Variants in PCBD2 observed in about 807,000 individuals in gnomAD.
PCBD2 encodes the protein pterin-4 alpha-carbinolamine dehydratase 2.
A neutral mutation model predicts 16.4 loss-of-function variants in PCBD2; 12 were observed. That is an observed-to-expected ratio of 0.73 (90% CI 0.47 to 1.19). The LOEUF (loss-of-function observed/expected upper bound fraction) is 1.19. PCBD2 is among the 50% of genes most tolerant of loss of function. The probability of loss-of-function intolerance (pLI) is 0.00; values close to 1 mark genes in which losing one functional copy is unlikely to be tolerated. For missense variants in PCBD2, 138 were observed against 156.8 expected (o/e 0.88, Z 0.64); for synonymous variants, 58 against 61.8 (o/e 0.94, Z 0.29).
intron 2 of PCBD2, among the ~76,000 whole-genome samples, chr5:134,915,431 C>T (rs1288242305): frequency 1.3e-5 from 2 of 149,326 alleles, no homozygotes; most frequent in Non-Finnish European, 3.0e-5. Flanking sequence ...CCTGATGGGC[C>T]TCTAATTTTT....
At chr5:134,939,578 A>G (rs1023854620) in intron 2 of PCBD2, among the ~76,000 whole-genome samples, 2 of 152,176 alleles carry the variant, frequency 1.3e-5, no homozygotes. Flanking sequence ...GACAACCTCC[A>G]TTCTTAAAAC....
chr5:134,939,516 G>T lies in PCBD2; in HGVS notation c.217-19524G>T, dbSNP rs574455055. Reference sequence around the variant, plus strand: ...AGAATGGTGCATAGTGCCCCTGTCTGTTCAAAAAAACCAGAGGCTCCTAAA... The same window carrying T: ...AGAATGGTGCATAGTGCCCCTGTCTTTTCAAAAAAACCAGAGGCTCCTAAA... On this transcript the variant is annotated intron_variant, in intron 2 of 3. Transcript: ENST00000254908. Among the ~76,000 whole-genome samples, 5 of 152,032 alleles carry T rather than the reference G, an allele frequency of 3.3e-5. No homozygotes were observed. In the East Asian group the frequency reaches 9.7e-4, roughly 29 times the overall value.
At chr5:134,946,010 T>C (rs1005136937) in intron 2 of PCBD2, among the ~76,000 whole-genome samples, 7 of 148,188 alleles carry the variant, frequency 4.7e-5, no homozygotes, top group African/African-American at 1.9e-4. Context: ...AAGCTTACTT[T>C]CCTTTCTTTG....
intron 2 of PCBD2, chr5:134,928,470 A>T (rs1751048862): frequency 3.1e-6 from 1 of 323,434 alleles, no homozygotes; most frequent in South Asian, 1.5e-4. Context: ...AAGAGGGACG[A>T]TGTGACTATT....
At chr5:134,942,845 A>G (rs560582446) in intron 2 of PCBD2, among the ~76,000 whole-genome samples, 4 of 152,326 alleles carry the variant, frequency 2.6e-5, no homozygotes, top group Non-Finnish European at 5.9e-5. Context: ...TTGAGAGCCC[A>G]GGTTTTGGAT....
intron 1 of PCBD2, among the ~76,000 whole-genome samples, chr5:134,909,171 C>A (rs1427742557): frequency 6.6e-6 from 1 of 152,224 alleles, no homozygotes; most frequent in African/African-American, 2.4e-5. Flanking sequence ...TGAATGTCAT[C>A]CCCAGGATGC....
chr5:134,948,180 T>C (rs1751320335), intron 2 of PCBD2, among the ~76,000 whole-genome samples: 1 of 152,182 alleles, frequency 6.6e-6, no homozygotes, highest in Non-Finnish European at 1.5e-5. Flanking sequence ...TTGTGAGAAA[T>C]TTAAGAAAGA....
At chr5:134,927,361 C>T (rs1007932499) in intron 2 of PCBD2, 12 of 398,258 alleles carry the variant, frequency 3.0e-5, no homozygotes, top group African/African-American at 1.9e-4. Flanking sequence ...ATTGACCCAG[C>T]GATGGGGGCT....
In PCBD2 at chr5:134,954,114, T is replaced by G. The variant is rs7731926; in HGVS notation, c.217-4926T>G. On this transcript the variant is annotated intron_variant, in intron 2 of 3. Transcript: ENST00000254908. The stretch of plus-strand genomic sequence containing the variant: ...CTAGGACTACAGGTGCATGCCACCA[T>G]GCCCAGCTAATTTTTAAAATTTTTT... 8.1e-3 allele frequency among the ~76,000 whole-genome samples: 1,240 copies of G among 152,190 alleles called. 9 individuals are homozygous for G. The highest frequency in any genetic ancestry group is 0.037 in the Middle Eastern group (11 of 294).
chr5:134,924,731 TGA>T, intron 2 of PCBD2: 1 of 395,448 alleles, frequency 2.5e-6, no homozygotes, highest in Non-Finnish European at 4.5e-6. Flanking sequence ...TGGGTTGAGG[TGA>T]TGATGGAGGC....
chr5:134,906,369 A>G (rs1750690398), intron 1 of PCBD2, among the ~76,000 whole-genome samples: 1 of 151,544 alleles, frequency 6.6e-6, no homozygotes, highest in South Asian at 2.1e-4. Flanking sequence ...ACGCCCGGCT[A>G]ATTTTTTTGT....
chr5:134,944,962 G>GTATGTTTC (rs1444399174), intron 2 of PCBD2, among the ~76,000 whole-genome samples: 2 of 152,286 alleles, frequency 1.3e-5, no homozygotes, highest in East Asian at 3.9e-4. Flanking sequence ...GATTGTTACA[G>GTATGTTTC]TATGTTTCAT....
At chr5:134,959,883 CTTTTTTTTT>C (rs776164485) in intron 3 of PCBD2, among the ~76,000 whole-genome samples, 1 of 72,992 alleles carries the variant, frequency 1.4e-5, no homozygotes, top group African/African-American at 6.2e-5. Flanking sequence ...TAGAAATGTG[CTTTTTTTTT>C]TTTTTTTTTT....
intron 2 of PCBD2, among the ~76,000 whole-genome samples, chr5:134,955,949 G>A (rs535355749): frequency 5.9e-5 from 9 of 152,252 alleles, no homozygotes; most frequent in South Asian, 2.1e-4. Flanking sequence ...TCAAACTTTC[G>A]TTTGAGTTTT....
chr5:134,947,261 T>G (rs915071232), intron 2 of PCBD2, among the ~76,000 whole-genome samples: 2 of 151,756 alleles, frequency 1.3e-5, no homozygotes, highest in Middle Eastern at 3.4e-3. Flanking sequence ...CTTGGCTAAT[T>G]TTGTGTTTTT....
chr5:134,950,303 A>T (rs1751345060), intron 2 of PCBD2, among the ~76,000 whole-genome samples: 1 of 152,220 alleles, frequency 6.6e-6, no homozygotes, highest in Non-Finnish European at 1.5e-5. Flanking sequence ...TGCATAATTA[A>T]AATAGTCTAT....
At position 134,962,623 on chromosome 5, in the gene PCBD2, A is replaced by T. The variant is rs115310401; in HGVS notation, c.*1942A>T. ...CGTTACTACTTATATAATTAATTAG[A>T]TTAAACAAGTCACAAAAATTGGATG... On this transcript the variant is annotated 3_prime_UTR_variant, in exon 4 of 4. Coordinates refer to ENST00000254908, the MANE Select transcript of PCBD2 (RefSeq NM_032151.5). 8.6e-3 allele frequency among the ~76,000 whole-genome samples: 1,309 copies of T among 152,308 alleles called. 12 individuals are homozygous for T. The highest frequency in any genetic ancestry group is 0.03 in the African/African-American group (1,246 of 41,566).
At chr5:134,941,287 G>A (rs545218684) in intron 2 of PCBD2, among the ~76,000 whole-genome samples, 1 of 152,064 alleles carries the variant, frequency 6.6e-6, no homozygotes, top group Non-Finnish European at 1.5e-5. Context: ...CATTGTTTTG[G>A]CACACTAGAC....
At chr5:134,930,501 T>C (rs988550394) in intron 2 of PCBD2, among the ~76,000 whole-genome samples, 2 of 152,230 alleles carry the variant, frequency 1.3e-5, no homozygotes, top group Non-Finnish European at 2.9e-5. Flanking sequence ...TAAGTTGCTG[T>C]GTCTGAGAGA....
Sources: allele counts gnomAD v4.1 joint callset (sites outside exome capture counted in the v4.1 genomes callset), GRCh38; gene constraint gnomAD v4.1.1; transcripts MANE v1.5; gene names NCBI Gene and HGNC (gene_info 2026-07-23, HGNC 2026-07-21).